The following COPS4 variants were observed in gnomAD, a reference collection of about 807,000 sequenced individuals.
The protein encoded by COPS4 is COP9 signalosome subunit 4.
Under a neutral mutation model 55.1 loss-of-function variants are expected in COPS4, and 8 were observed. The observed-to-expected ratio is 0.15, with a 90% CI of 0.09 to 0.26. The LOEUF is 0.26. Among genes scored for constraint, COPS4 ranks in the 10% least tolerant of loss-of-function variants. The probability of loss-of-function intolerance (pLI) is 1.00; values close to 1 mark genes in which losing one functional copy is unlikely to be tolerated. For missense variants in COPS4, 248 were observed against 484.0 expected (o/e 0.51, Z 4.58); for synonymous variants, 185 against 165.7 (o/e 1.12, Z -0.90).
chr4:83,041,061 GT>G (rs1305165708), intron 1 of COPS4, among the ~76,000 whole-genome samples: 1 of 142,152 alleles, frequency 7.0e-6, no homozygotes, highest in African/African-American at 2.6e-5. Flanking sequence ...TTTTTTTTTT[GT>G]TTTTTGTTTT....
At chr4:83,042,906 A>AT in intron 1 of COPS4, among the ~76,000 whole-genome samples, 1 of 149,310 alleles carries the variant, frequency 6.7e-6, no homozygotes, top group Non-Finnish European at 1.5e-5. Flanking sequence ...CGCCCAACCA[A>AT]TTTTTGTATT....
intron 9 of COPS4, among the ~76,000 whole-genome samples, chr4:83,071,964 C>G (rs933570609): frequency 2.6e-5 from 4 of 152,210 alleles, no homozygotes; most frequent in African/African-American, 4.8e-5. Context: ...CCCGCCTCGG[C>G]CTCCCAAAGT....
chr4:83,035,615 C>G (rs1408229149), intron 1 of COPS4: 1 of 228,958 alleles, frequency 4.4e-6, no homozygotes, highest in African/African-American at 2.2e-5. Context: ...TAGTAGCCTT[C>G]CCTGGTACCT....
chr4:83,040,908 G>C (rs1730548268), intron 1 of COPS4, among the ~76,000 whole-genome samples: 1 of 151,358 alleles, frequency 6.6e-6, no homozygotes, highest in Admixed American at 6.6e-5. Flanking sequence ...TTTATCTCCA[G>C]ATTCCTTTCA....
chr4:83,045,828 G>T, intron 2 of COPS4, 123 bp downstream of exon 2: 5 of 596,164 alleles, frequency 8.4e-6, no homozygotes, highest in South Asian at 6.9e-5. Context: ...ATTGATTTTA[G>T]AATTTAAACT....
chr4:83,066,427 T>A lies in COPS4; in HGVS notation c.887-11T>A. On this transcript the variant is annotated splice_polypyrimidine_tract_variant and intron_variant, in intron 7 of 9. Transcript: ENST00000264389. ...AGTTTCAAACTTGTAACTGTCTTAT[T>A]TATGTTTAAGGTTCCAGCATCTTGG... 7.2e-7 allele frequency: 1 copy of A among 1,397,582 alleles called. No individual in the cohort carries two copies. The highest frequency in any genetic ancestry group is 1.3e-5 in the South Asian group (1 of 74,120). 86.6% of individuals were successfully genotyped at this position (1,397,582 alleles called of 1,614,324 possible).
intron 8 of COPS4, among the ~76,000 whole-genome samples, chr4:83,067,414 A>G (rs1049171720): frequency 6.6e-6 from 1 of 151,486 alleles, no homozygotes; most frequent in Non-Finnish European, 1.5e-5. Flanking sequence ...TTGTATTTTT[A>G]GTAGAGGAAC....
At chr4:83,063,388 A>T (rs570502669) in intron 7 of COPS4, 142 bp downstream of exon 7, 73 of 566,968 alleles carry the variant, frequency 1.3e-4, no homozygotes, top group Admixed American at 3.9e-4. Flanking sequence ...TTTATTTAAA[A>T]TTTTTTTTTT....
chr4:83,039,770 T>C (rs1258356925), intron 1 of COPS4, among the ~76,000 whole-genome samples: 1 of 152,214 alleles, frequency 6.6e-6, no homozygotes, highest in African/African-American at 2.4e-5. Flanking sequence ...TAGCTGGGAC[T>C]ATAGGCACGT....
chr4:83,063,749 G>A (rs943626791), intron 7 of COPS4, among the ~76,000 whole-genome samples: 12 of 149,926 alleles, frequency 8.0e-5, no homozygotes, highest in Non-Finnish European at 1.5e-4. Context: ...TACTCTTGTC[G>A]CCCAGGCTGG....
intron 6 of COPS4, among the ~76,000 whole-genome samples, chr4:83,060,000 C>T (rs983262489): frequency 1.3e-5 from 2 of 151,962 alleles, no homozygotes; most frequent in Admixed American, 6.6e-5. Context: ...CGCACCCGGC[C>T]GAAACAGCTC....
chr4:83,052,443 T>C (rs947876614), intron 4 of COPS4, among the ~76,000 whole-genome samples: 2 of 152,276 alleles, frequency 1.3e-5, no homozygotes, highest in Non-Finnish European at 1.5e-5. Context: ...GTGGGGGCTG[T>C]CCTGTGTATT....
intron 2 of COPS4, among the ~76,000 whole-genome samples, chr4:83,047,409 G>A (rs1005297656): frequency 7.0e-6 from 1 of 143,314 alleles, no homozygotes; most frequent in Non-Finnish European, 1.5e-5. Flanking sequence ...ACGAAAATTA[G>A]CCTGGCGTGG....
At chr4:83,051,101 A>C (rs1192162544) in intron 4 of COPS4, among the ~76,000 whole-genome samples, 1 of 149,406 alleles carries the variant, frequency 6.7e-6, no homozygotes, top group Non-Finnish European at 1.5e-5. Context: ...TCTCCACCAA[A>C]AAAAAAAAAA....
intron 7 of COPS4, among the ~76,000 whole-genome samples, chr4:83,065,706 CGGATCCT>C (rs1472468535): frequency 6.6e-6 from 1 of 152,170 alleles, no homozygotes; most frequent in Non-Finnish European, 1.5e-5. Flanking sequence ...GAGGGTTAGC[CGGATCCT>C]GGATCTGGAT....
At chr4:83,051,648 A>G (rs1260650351) in intron 4 of COPS4, among the ~76,000 whole-genome samples, 1 of 152,212 alleles carries the variant, frequency 6.6e-6, no homozygotes, top group Non-Finnish European at 1.5e-5. Flanking sequence ...TTTTGGACAT[A>G]TGATATCCAA....
At chr4:83,060,929 G>A (rs1731150472) in intron 6 of COPS4, among the ~76,000 whole-genome samples, 1 of 151,588 alleles carries the variant, frequency 6.6e-6, no homozygotes, top group African/African-American at 2.4e-5. Flanking sequence ...AGCTACTTGG[G>A]AGGCTGAGGC....
At chr4:83,065,707 G>A (rs1410452475) in intron 7 of COPS4, among the ~76,000 whole-genome samples, 1 of 152,158 alleles carries the variant, frequency 6.6e-6, no homozygotes, top group African/African-American at 2.4e-5. Context: ...AGGGTTAGCC[G>A]GATCCTGGAT....
intron 4 of COPS4, among the ~76,000 whole-genome samples, chr4:83,050,805 G>A (rs1038762516): frequency 6.6e-6 from 1 of 152,126 alleles, no homozygotes; most frequent in Non-Finnish European, 1.5e-5. Flanking sequence ...ATAAGCCATT[G>A]TAAGGAATTT....
Sources: gnomAD v4.1 joint callset for allele counts (sites outside exome capture counted in the v4.1 genomes callset) on GRCh38, gnomAD v4.1.1 for gene constraint, MANE v1.5 for transcripts, NCBI Gene and HGNC (gene_info 2026-07-23, HGNC 2026-07-21) for gene names.